Variants in RYR2 observed in about 807,000 individuals in gnomAD.
RYR2 encodes the protein ryanodine receptor 2.
RYR2 carries 227 observed loss-of-function variants against 601.1 expected under a neutral mutation model. That is an observed-to-expected ratio of 0.38 (90% CI 0.34 to 0.42). The LOEUF is 0.42. RYR2 is among the 10% of genes least tolerant of loss of function. RYR2 has a pLI of 1.00. For missense variants in RYR2, 4,646 were observed against 6,156.5 expected (o/e 0.75, Z 8.21); for synonymous variants, 2,223 against 2,175.1 (o/e 1.02, Z -0.61).
At chr1:237,113,525 C>T (rs1397704404) in intron 1 of RYR2, among the ~76,000 whole-genome samples, 1 of 152,052 alleles carries the variant, frequency 6.6e-6, no homozygotes, top group Non-Finnish European at 1.5e-5. Context: ...AGACTCTGTC[C>T]CATTGTCCTT....
intron 1 of RYR2, among the ~76,000 whole-genome samples, chr1:237,230,548 A>C (rs1394835469): frequency 6.6e-6 from 1 of 152,228 alleles, no homozygotes; most frequent in African/African-American, 2.4e-5. Flanking sequence ...TCTTTTTACC[A>C]AATGCAGACT....
chr1:237,710,702 G>GATAGATAGATAGATAC (rs769237912), intron 70 of RYR2, among the ~76,000 whole-genome samples: 26 of 152,030 alleles, frequency 1.7e-4, no homozygotes, highest in Non-Finnish European at 2.9e-4. Flanking sequence ...TAGGTATGTA[G>GATAGATAGATAGATAC]ATAGATAGAT....
At chr1:237,712,202 G>A (rs968424088) in intron 71 of RYR2, among the ~76,000 whole-genome samples, 2 of 152,068 alleles carry the variant, frequency 1.3e-5, no homozygotes, top group African/African-American at 4.8e-5. Flanking sequence ...CCACTGGAAG[G>A]AATGGACAAG....
chr1:237,119,432 G>A (rs767716383), intron 1 of RYR2, among the ~76,000 whole-genome samples: 11 of 152,202 alleles, frequency 7.2e-5, no homozygotes, highest in Non-Finnish European at 8.8e-5. Context: ...GCATGTGTGT[G>A]CGTGTGTGTG....
At chr1:237,636,057 A>C (rs1392233969) in intron 44 of RYR2, among the ~76,000 whole-genome samples, 2 of 151,946 alleles carry the variant, frequency 1.3e-5, no homozygotes. Context: ...TGTTTCCTTT[A>C]CTGCTTTATT....
chr1:237,825,802 A>G (rs1395031300), intron 101 of RYR2, among the ~76,000 whole-genome samples: 1 of 152,352 alleles, frequency 6.6e-6, no homozygotes, highest in East Asian at 1.9e-4. Flanking sequence ...ATCTACAAAG[A>G]ACTTAAACAA....
intron 2 of RYR2, among the ~76,000 whole-genome samples, chr1:237,274,386 G>A (rs1572437638): frequency 6.7e-6 from 1 of 148,948 alleles, no homozygotes; most frequent in East Asian, 2.1e-4. Context: ...TTGAGTCTTA[G>A]TTTTTAACAA....
chr1:237,611,106 C>A, intron 36 of RYR2, 118 bp downstream of exon 36: 1 of 778,256 alleles, frequency 1.3e-6, no homozygotes, highest in Non-Finnish European at 2.0e-6. Context: ...ATGAAATTTA[C>A]AAAGATCTAA....
At chr1:237,116,603 G>A (rs796906063) in intron 1 of RYR2, among the ~76,000 whole-genome samples, 10 of 152,108 alleles carry the variant, frequency 6.6e-5, no homozygotes, top group African/African-American at 2.4e-4. Context: ...TTTATTATGA[G>A]AAATGGGCTC....
intron 1 of RYR2, among the ~76,000 whole-genome samples, chr1:237,046,859 C>T (rs537287662): frequency 1.3e-5 from 2 of 152,068 alleles, no homozygotes; most frequent in African/African-American, 2.4e-5. Flanking sequence ...TGTTGAACAC[C>T]GTCTGTATGC....
chr1:237,601,504 C>T lies in RYR2; in HGVS notation c.4597-521C>T, dbSNP rs74402672. The stretch of plus-strand genomic sequence containing the variant: ...GTTAACATTAGAAAGGAAGAATAAG[C>T]GCTGGTGTCCTATTGGACAGTAGGG... On this transcript the variant is annotated intron_variant, in intron 34 of 104. Transcript: ENST00000366574. Among the ~76,000 whole-genome samples the T allele has an allele frequency of 9.0e-3, 1,371 of 152,062 alleles. 21 individuals carry two copies. The highest frequency in any genetic ancestry group is 0.031 in the African/African-American group (1,300 of 41,484).
At chr1:237,465,303 A>G (rs1659947830) in intron 16 of RYR2, among the ~76,000 whole-genome samples, 2 of 152,146 alleles carry the variant, frequency 1.3e-5, no homozygotes. Flanking sequence ...GTATTGCTAA[A>G]TTTGATTTAT....
In RYR2 at chr1:237,171,912, C is replaced by T. The variant is rs576564073; in HGVS notation, c.49-98585C>T. 2.0e-5 allele frequency among the ~76,000 whole-genome samples: 3 copies of T among 152,322 alleles called. No homozygotes were observed. The South Asian group carries it at 6.2e-4, about 32-fold the overall frequency. On this transcript the variant is annotated intron_variant, in intron 1 of 104. Coordinates refer to ENST00000366574, the MANE Select transcript of RYR2 (RefSeq NM_001035.3). ...CCCACCGGTCTTTCTGTTTTGCCCCCAAGAGGTTAAAAGCAGTTTTCATTC... is the reference window on the plus strand; with the variant it reads ...CCCACCGGTCTTTCTGTTTTGCCCCTAAGAGGTTAAAAGCAGTTTTCATTC...
chr1:237,754,064 C>T (rs1692747164), intron 80 of RYR2, among the ~76,000 whole-genome samples: 1 of 150,876 alleles, frequency 6.6e-6, no homozygotes, highest in Non-Finnish European at 1.5e-5. Flanking sequence ...TTCAGTTCAA[C>T]AAAGAATAAA....
At chr1:237,053,747 T>TC (rs1661581234) in intron 1 of RYR2, among the ~76,000 whole-genome samples, 2 of 152,088 alleles carry the variant, frequency 1.3e-5, no homozygotes, top group Admixed American at 1.3e-4. Context: ...ACGCAAATAT[T>TC]CTACTACACA....
intron 29 of RYR2, among the ~76,000 whole-genome samples, chr1:237,585,692 T>C (rs777730503): frequency 6.6e-5 from 10 of 152,202 alleles, no homozygotes; most frequent in Non-Finnish European, 1.2e-4. Context: ...TATGATTTGA[T>C]TTTTCCTGTT....
intron 87 of RYR2, among the ~76,000 whole-genome samples, chr1:237,774,187 G>T (rs140408258): frequency 0.011 from 1,623 of 151,888 alleles, 18 homozygotes; most frequent in Middle Eastern, 0.021. Flanking sequence ...GGGTTTTTCT[G>T]CAATCACCAA....
chr1:237,823,879 C>T (rs1662797198), intron 101 of RYR2, among the ~76,000 whole-genome samples: 1 of 152,118 alleles, frequency 6.6e-6, no homozygotes, highest in Non-Finnish European at 1.5e-5. Context: ...TACAAACTAC[C>T]ATCAGAGAAT....
intron 23 of RYR2, among the ~76,000 whole-genome samples, chr1:237,508,820 G>T: frequency 7.5e-6 from 1 of 133,030 alleles, no homozygotes; most frequent in Admixed American, 9.2e-5. Flanking sequence ...TCGGCTCACT[G>T]CAAGCTCCGC....
Sources: allele counts gnomAD v4.1 joint callset (sites outside exome capture counted in the v4.1 genomes callset), GRCh38; gene constraint gnomAD v4.1.1; transcripts MANE v1.5; gene names NCBI Gene and HGNC (gene_info 2026-07-23, HGNC 2026-07-21).